SEMA6A: variants seen among roughly 807,000 people sequenced by gnomAD.
The protein encoded by SEMA6A is semaphorin 6A.
Under a neutral mutation model 96.8 loss-of-function variants are expected in SEMA6A, and 25 were observed. That is an observed-to-expected ratio of 0.26 (90% CI 0.19 to 0.36). The LOEUF (loss-of-function observed/expected upper bound fraction) is 0.36, where lower values mean the gene tolerates loss of function less well. Among genes scored for constraint, SEMA6A ranks in the 10% least tolerant of loss-of-function variants. The pLI is 1.00. For synonymous variants in SEMA6A, 612 were observed against 518.0 expected (o/e 1.18, Z -2.46); for missense variants, 1,363 against 1,323.1 (o/e 1.03, Z -0.47).
intron 8 of SEMA6A, 27 bp from the exon 9 acceptor site, chr5:116,488,223 G>C (rs1757157190): frequency 6.9e-7 from 1 of 1,443,640 alleles, no homozygotes; most frequent in East Asian, 2.3e-5. Flanking sequence ...ACTTTAATTG[G>C]GAACATGTCA....
At chr5:116,502,386 G>A in intron 2 of SEMA6A, 59 bp from the exon 3 acceptor site, 1 of 1,438,596 alleles carries the variant, frequency 7.0e-7, no homozygotes, top group South Asian at 1.1e-5. Flanking sequence ...GAATTGACAG[G>A]GTAGGGAGGG....
intron 6 of SEMA6A, among the ~76,000 whole-genome samples, chr5:116,494,461 G>A (rs953360717): frequency 6.6e-5 from 10 of 152,194 alleles, no homozygotes; most frequent in Non-Finnish European, 1.0e-4. Context: ...TCTTAAGGGC[G>A]GTGGTATTTG....
intron 1 of SEMA6A, among the ~76,000 whole-genome samples, chr5:116,565,559 CTTGAG>C (rs1206606395): frequency 6.6e-6 from 1 of 152,222 alleles, no homozygotes; most frequent in Non-Finnish European, 1.5e-5. Context: ...TGCCAATATA[CTTGAG>C]TTTAGAATGC....
chr5:116,478,401 A>T lies in SEMA6A; in HGVS notation c.1427+141T>A, dbSNP rs186238248. 3.9e-3 allele frequency: 3,573 copies of T among 927,514 alleles called. 16 individuals carry two copies. The highest frequency in any genetic ancestry group is 5.1e-3 in the Non-Finnish European group (3,210 of 627,992). The allele number at this position is 927,514 out of a possible 1,614,324, so 57.5% of individuals were successfully genotyped here. On this transcript the variant is annotated intron_variant, in intron 13 of 18. Coordinates refer to ENST00000343348, the MANE Select transcript of SEMA6A (RefSeq NM_020796.5). ...TGGCAAGGAGAAAATAATGCTTTTT[A>T]GGTGTTAAATTTTTACAAACAGCAC...
chr5:116,525,582 A>G (rs934933216), intron 1 of SEMA6A, among the ~76,000 whole-genome samples: 8 of 152,038 alleles, frequency 5.3e-5, no homozygotes, highest in African/African-American at 1.9e-4. Flanking sequence ...AAAACTTCCC[A>G]CCCACAGCCT....
At chr5:116,563,496 T>C (rs2112909840) in intron 1 of SEMA6A, among the ~76,000 whole-genome samples, 1 of 152,294 alleles carries the variant, frequency 6.6e-6, no homozygotes, top group South Asian at 2.1e-4. Context: ...TGGCTGAAAA[T>C]ACTCTACCTA....
chr5:116,571,131 G>A (rs887630132), intron 1 of SEMA6A, among the ~76,000 whole-genome samples: 1 of 152,082 alleles, frequency 6.6e-6, no homozygotes. Flanking sequence ...TCACTGTAGG[G>A]AAAATAAAGA....
intron 18 of SEMA6A, chr5:116,449,297 T>C (rs969818564): frequency 4.3e-6 from 3 of 702,114 alleles, no homozygotes; most frequent in Non-Finnish European, 5.2e-6. Context: ...ATGGAAATGA[T>C]AGCAAGACAG....
intron 1 of SEMA6A, among the ~76,000 whole-genome samples, chr5:116,571,478 A>T (rs1029038585): frequency 6.6e-6 from 1 of 152,218 alleles, no homozygotes; most frequent in Non-Finnish European, 1.5e-5. Flanking sequence ...TTGAAAAATG[A>T]CTCATAACCA....
intron 1 of SEMA6A, among the ~76,000 whole-genome samples, chr5:116,547,715 C>T (rs1350449599): frequency 8.7e-6 from 1 of 114,882 alleles, no homozygotes; most frequent in Non-Finnish European, 1.7e-5. Flanking sequence ...ATGATGTAAA[C>T]TGCTATGTAT....
At chr5:116,523,019 G>C (rs1580471250) in intron 1 of SEMA6A, among the ~76,000 whole-genome samples, 1 of 152,292 alleles carries the variant, frequency 6.6e-6, no homozygotes, top group African/African-American at 2.4e-5. Flanking sequence ...GGGCAGTGTG[G>C]AGAGGTGCCC....
At chr5:116,531,450 C>G (rs1267567421) in intron 1 of SEMA6A, among the ~76,000 whole-genome samples, 1 of 152,066 alleles carries the variant, frequency 6.6e-6, no homozygotes, top group Non-Finnish European at 1.5e-5. Flanking sequence ...TAAAGGCCCT[C>G]CTGTTCGACT....
chr5:116,569,634 T>A (rs1761130575), intron 1 of SEMA6A, among the ~76,000 whole-genome samples: 1 of 152,134 alleles, frequency 6.6e-6, no homozygotes, highest in African/African-American at 2.4e-5. Flanking sequence ...TTGGCCAATT[T>A]GAGGGCCACA....
chr5:116,571,637 G>A (rs916305574), intron 1 of SEMA6A, among the ~76,000 whole-genome samples: 1 of 152,200 alleles, frequency 6.6e-6, no homozygotes, highest in African/African-American at 2.4e-5. Flanking sequence ...AAACAAGCAT[G>A]GGTAAACCAA....
At chr5:116,448,096 G>A (rs1281702042) in intron 18 of SEMA6A, among the ~76,000 whole-genome samples, 1 of 151,212 alleles carries the variant, frequency 6.6e-6, no homozygotes, top group East Asian at 1.9e-4. Flanking sequence ...CACTTTGGGA[G>A]GCCGAGGCGG....
chr5:116,472,487 G>A lies in SEMA6A; in HGVS notation c.1729+586C>T, dbSNP rs1756206055. 1.8e-5 allele frequency: 3 copies of A among 167,770 alleles called. No homozygotes were observed. In the South Asian group the frequency reaches 5.3e-4, roughly 29 times the overall value. 10.4% of individuals were successfully genotyped at this position (167,770 alleles called of 1,614,324 possible). ...TAGATTTTCGCCAGCAGAGGGTATT[G>A]TCCTGAGTGCCAGCATTTTGGGGGA... On this transcript the variant is annotated intron_variant, in intron 17 of 18. Coordinates refer to ENST00000343348, the MANE Select transcript of SEMA6A (RefSeq NM_020796.5).
In SEMA6A at chr5:116,447,249, G is replaced by C. The variant is rs1754280796; in HGVS notation, c.2457C>G (p.Pro819=). The C allele has an allele frequency of 1.2e-6, 2 of 1,613,986 alleles. No individual in the cohort carries two copies. Among genetic ancestry groups the C allele is most frequent in the Non-Finnish European group, 1.7e-6 (2 of 1,179,904 alleles). The stretch of plus-strand genomic sequence containing the variant: ...CATGCTGGTAGCCCTGCTGCGTGAT[G>C]GGCAGGACCACCACGCTGGGGATGT... ...PSHIPSVVVL[P]ITQQGYQHEY... Residue 819 remains proline, a synonymous_variant, in exon 19 of 19, where the codon CCC becomes CCG. Transcript: ENST00000343348.
At chr5:116,477,798 C>T (rs1356040591) in intron 15 of SEMA6A, 48 bp downstream of exon 15, 1 of 1,577,004 alleles carries the variant, frequency 6.3e-7, no homozygotes, top group Non-Finnish European at 8.7e-7. Flanking sequence ...CTAGAATACA[C>T]CTTGGCTGGA....
chr5:116,474,923 G>T lies in SEMA6A; in HGVS notation c.1708+622C>A, dbSNP rs776836050. On this transcript the variant is annotated intron_variant, in intron 16 of 18. Coordinates refer to ENST00000343348, the MANE Select transcript of SEMA6A (RefSeq NM_020796.5). ...ACATGACAACTGGGCAGAAATTTGA[G>T]CCAGATCCTTTACGTAAAGTTCTAA... Among the ~76,000 whole-genome samples the T allele has an allele frequency of 3.4e-4, 52 of 152,240 alleles. No individual in the cohort carries two copies. In the Middle Eastern group the frequency reaches 0.014, roughly 40 times the overall value.
Sources: gnomAD v4.1 joint callset for allele counts (sites outside exome capture counted in the v4.1 genomes callset) on GRCh38, gnomAD v4.1.1 for gene constraint, MANE v1.5 for transcripts, NCBI Gene and HGNC (gene_info 2026-07-23, HGNC 2026-07-21) for gene names.